CCDC171: variants seen among roughly 807,000 people sequenced by gnomAD.
CCDC171 encodes coiled-coil domain containing 171, also known as coiled-coil domain-containing protein 171.
A neutral mutation model predicts 168.2 loss-of-function variants in CCDC171; 177 were observed. The ratio of observed to expected loss-of-function variants is 1.05; its 90% CI spans 0.93 to 1.19. CCDC171 has a LOEUF of 1.19. Ranked by LOEUF, CCDC171 falls within the 50% of genes most tolerant of loss-of-function variation. The probability of loss-of-function intolerance (pLI) is 0.00; values close to 1 mark genes in which losing one functional copy is unlikely to be tolerated. For missense variants in CCDC171, 1,991 were observed against 1,539.0 expected, an observed-to-expected ratio of 1.29 and a Z score of -4.91; for synonymous variants, 687 against 540.8, an observed-to-expected ratio of 1.27 and a Z score of -3.75.
At chr9:15,624,405 C>T (rs1411829372) in intron 7 of CCDC171, among the ~76,000 whole-genome samples, 1 of 152,070 alleles carries the variant, frequency 6.6e-6, no homozygotes, top group Non-Finnish European at 1.5e-5. Flanking sequence ...TGTTGGTGTG[C>T]TGCACCCATT....
chr9:16,108,027 A>T, the CCDC171 span, among the ~76,000 whole-genome samples: 1 of 152,254 alleles, frequency 6.6e-6, no homozygotes, highest in African/African-American at 2.4e-5. Flanking sequence ...TGTTGCTGGC[A>T]AGTGAATGGA....
chr9:15,737,380 G>C (rs1302830421), intron 16 of CCDC171, among the ~76,000 whole-genome samples: 16 of 152,142 alleles, frequency 1.1e-4, no homozygotes, highest in Non-Finnish European at 2.4e-4. Context: ...ATTTAGAAGA[G>C]GAGATAGATG....
Position 15,772,220 on chromosome 9 carries a change from G to A in CCDC171, c.2672-5380G>A, listed in dbSNP as rs542333404. Among the ~76,000 whole-genome samples the A allele has an allele frequency of 9.9e-5, 15 of 152,216 alleles. No homozygotes were observed. In the East Asian group the frequency reaches 1.7e-3, roughly 18 times the overall value. ...ACACGTTAAATTATTGTTTAAGTTCGTGGATCGATCTATTTCCTGTATTTC... is the reference window on the plus strand; with the variant it reads ...ACACGTTAAATTATTGTTTAAGTTCATGGATCGATCTATTTCCTGTATTTC... On this transcript the variant is annotated intron_variant, in intron 18 of 25. Transcript: ENST00000380701.
chr9:16,013,707 A>T (rs1027210104), intron 3 of CCDC171, among the ~76,000 whole-genome samples: 7 of 152,254 alleles, frequency 4.6e-5, no homozygotes, highest in African/African-American at 1.4e-4. Flanking sequence ...ATACCACAAT[A>T]AAGTGAGTCA....
intron 7 of CCDC171, among the ~76,000 whole-genome samples, chr9:15,654,102 A>C (rs2132868739): frequency 6.6e-6 from 1 of 152,290 alleles, no homozygotes; most frequent in East Asian, 1.9e-4. Flanking sequence ...TAGTAGTATA[A>C]ATTATAAATG....
At chr9:15,902,667 G>A (rs1456393967) in intron 24 of CCDC171, among the ~76,000 whole-genome samples, 1 of 152,172 alleles carries the variant, frequency 6.6e-6, no homozygotes, top group East Asian at 1.9e-4. Flanking sequence ...TCTCACTGGC[G>A]AGTGTTGGAA....
In CCDC171 at chr9:15,691,545, T is replaced by A. The variant is rs1208408363; in HGVS notation, c.1216-3690T>A. Among the ~76,000 whole-genome samples, 23 of 88,702 alleles carry A rather than the reference T, an allele frequency of 2.6e-4. 1 individual carries two copies. The highest frequency in any genetic ancestry group is 9.4e-4 in the African/African-American group (23 of 24,408). 58.2% of individuals were successfully genotyped at this position (88,702 alleles called of 152,430 possible). On this transcript the variant is annotated intron_variant, in intron 10 of 25. Coordinates refer to ENST00000380701, the MANE Select transcript of CCDC171 (RefSeq NM_173550.4). ...TAAAAATACCTGTAAATATATGTTT[T>A]TTATATATATATATATATATATATA...
At chr9:15,984,868 C>G (rs546982234) in intron 3 of CCDC171, among the ~76,000 whole-genome samples, 18 of 152,186 alleles carry the variant, frequency 1.2e-4, no homozygotes, top group Admixed American at 3.9e-4. Context: ...TTTAAAGTCA[C>G]TATGGACTTT....
intron 23 of CCDC171, among the ~76,000 whole-genome samples, chr9:15,870,167 A>G (rs2061975319): frequency 6.6e-6 from 1 of 151,828 alleles, no homozygotes; most frequent in South Asian, 2.1e-4. Flanking sequence ...TAGTGTGCTG[A>G]CTGTACACTG....
At chr9:16,090,120 C>T in the CCDC171 span, among the ~76,000 whole-genome samples, 2 of 152,098 alleles carry the variant, frequency 1.3e-5, no homozygotes, top group South Asian at 2.1e-4. Context: ...CACATGCACA[C>T]GTATGTTTAT....
At chr9:16,068,774 G>GATGTATTCTGGCAGA in the CCDC171 span, among the ~76,000 whole-genome samples, 3 of 151,862 alleles carry the variant, frequency 2.0e-5, no homozygotes, top group Admixed American at 6.5e-5. Flanking sequence ...ATTCTGCCAG[G>GATGTATTCTGGCAGA]ATACGATGTA....
At chr9:15,870,841 C>A (rs1403279348) in intron 23 of CCDC171, among the ~76,000 whole-genome samples, 2 of 149,906 alleles carry the variant, frequency 1.3e-5, no homozygotes, top group African/African-American at 4.9e-5. Flanking sequence ...ACATTGTTTA[C>A]TTGTGAGTAA....
chr9:15,785,091 G>A (rs781441814), intron 21 of CCDC171, among the ~76,000 whole-genome samples: 16 of 152,158 alleles, frequency 1.1e-4, no homozygotes, highest in Non-Finnish European at 1.8e-4. Context: ...TTTGGTCTGG[G>A]TCTGATTCTT....
At chr9:15,902,895 T>G (rs1821920988) in intron 24 of CCDC171, among the ~76,000 whole-genome samples, 1 of 152,188 alleles carries the variant, frequency 6.6e-6, no homozygotes, top group South Asian at 2.1e-4. Context: ...ATCCTGTGCC[T>G]GGCTCAGAGG....
At chr9:15,902,380 G>T (rs2794638) in intron 24 of CCDC171, among the ~76,000 whole-genome samples, 129,994 of 152,018 alleles carry the variant, frequency 0.86, 55,643 homozygotes, top group East Asian at 0.96. Context: ...TAATATAAAA[G>T]GTTTTTGTTA....
chr9:15,670,668 T>C (rs529093763), intron 9 of CCDC171, among the ~76,000 whole-genome samples: 26 of 152,336 alleles, frequency 1.7e-4, no homozygotes, highest in African/African-American at 6.3e-4. Flanking sequence ...GAGTTATATT[T>C]TTGGGTTCAG....
the CCDC171 span, among the ~76,000 whole-genome samples, chr9:16,072,074 G>A: frequency 6.6e-6 from 1 of 152,270 alleles, no homozygotes; most frequent in East Asian, 1.9e-4. Context: ...TGTTTTTACT[G>A]GAAAGTAATT....
chr9:15,682,225 A>T (rs1364611922), intron 10 of CCDC171, among the ~76,000 whole-genome samples: 1 of 152,114 alleles, frequency 6.6e-6, no homozygotes, highest in Non-Finnish European at 1.5e-5. Flanking sequence ...AGTACAGCAT[A>T]GCCTTATGCT....
At chr9:15,947,517 G>A (rs1358016966) in intron 25 of CCDC171, among the ~76,000 whole-genome samples, 3 of 151,960 alleles carry the variant, frequency 2.0e-5, no homozygotes, top group Non-Finnish European at 2.9e-5. Flanking sequence ...ACATGTTGTA[G>A]CATAGTAGCA....
Sources: gnomAD v4.1 joint callset for allele counts (sites outside exome capture counted in the v4.1 genomes callset) on GRCh38, gnomAD v4.1.1 for gene constraint, MANE v1.5 for transcripts, NCBI Gene and HGNC (gene_info 2026-07-23, HGNC 2026-07-21) for gene names.